SMIM27: variants seen among roughly 807,000 people sequenced by gnomAD.
SMIM27 encodes the protein TOPORS antisense RNA 1 (non-protein coding).
SMIM27 carries 3 observed loss-of-function variants against 1.8 expected under a neutral mutation model. The observed-to-expected ratio is 1.65, with a 90% CI of 0.75 to 4.28. SMIM27 has a LOEUF of 4.28. SMIM27 is among the 30% of genes most tolerant of loss of function. The pLI, the probability that SMIM27 is intolerant of heterozygous loss-of-function variation, is 0.02. For missense variants in SMIM27, 63 were observed against 37.0 expected (o/e 1.70, Z -1.83); for synonymous variants, 19 against 13.9 (o/e 1.37, Z -0.82).
chr9:32,559,016 A>G, intron 1 of SMIM27: 1 of 1,226,292 alleles, frequency 8.2e-7, no homozygotes, highest in Non-Finnish European at 1.2e-6. Flanking sequence ...AAAATAAGAA[A>G]TAGGTCATAC....
At chr9:32,556,393 C>G (rs1034466467), downstream of SMIM27, among the ~76,000 whole-genome samples, 1 of 152,224 alleles carries the variant, frequency 6.6e-6, no homozygotes, top group African/African-American at 2.4e-5. Flanking sequence ...ATCTTGGAAC[C>G]TCATATTCGA....
chr9:32,553,812 C>T (rs1821374148), downstream of SMIM27: 1 of 1,060,112 alleles, frequency 9.4e-7, no homozygotes, highest in South Asian at 1.4e-5. Context: ...CCAGAAAATT[C>T]AGTAAATATG....
intron 1 of SMIM27, among the ~76,000 whole-genome samples, chr9:32,560,730 T>C (rs1007476359): frequency 8.5e-5 from 13 of 152,216 alleles, no homozygotes; most frequent in African/African-American, 3.1e-4. Context: ...AATTTAGCTA[T>C]GTTTGTAAAT....
intron 1 of SMIM27, chr9:32,566,178 C>CTT: frequency 1.4e-6 from 1 of 734,514 alleles, no homozygotes; most frequent in Admixed American, 2.0e-5. Flanking sequence ...GCCACTTCCT[C>CTT]TTCAACCTTG....
At chr9:32,554,868 C>A (rs891453788), downstream of SMIM27, among the ~76,000 whole-genome samples, 5 of 151,942 alleles carry the variant, frequency 3.3e-5, no homozygotes, top group Non-Finnish European at 7.4e-5. Flanking sequence ...AGCAAAATAT[C>A]TCCTATAACT....
chr9:32,563,209 G>A (rs1051705729), intron 1 of SMIM27, among the ~76,000 whole-genome samples: 3 of 152,116 alleles, frequency 2.0e-5, no homozygotes, highest in Admixed American at 2.0e-4. Flanking sequence ...TGTTAATTTA[G>A]ACCCCTTGAC....
downstream of SMIM27, chr9:32,553,989 A>T (rs768417322): frequency 1.6e-6 from 2 of 1,225,626 alleles, no homozygotes; most frequent in Non-Finnish European, 2.4e-6. Flanking sequence ...TTAAGTCTAC[A>T]GAGGTGATAG....
exon 2 of SMIM27, chr9:32,566,565 G>A (rs1821796206): frequency 1.3e-6 from 1 of 780,608 alleles, no homozygotes; most frequent in African/African-American, 1.7e-5. Flanking sequence ...GTACTGCACA[G>A]ACTGGAGCTT....
exon 2 of SMIM27, chr9:32,566,530 G>C: frequency 1.3e-6 from 1 of 770,596 alleles, no homozygotes; most frequent in Non-Finnish European, 2.4e-6. Context: ...GCCACCCTTG[G>C]CTCCTCTGTT....
chr9:32,565,030 C>G (rs961556444), intron 1 of SMIM27, among the ~76,000 whole-genome samples: 6 of 152,160 alleles, frequency 3.9e-5, no homozygotes, highest in Non-Finnish European at 5.9e-5. Context: ...CGGTGGCTCA[C>G]GCTTGTAATC....
Position 32,552,383 on chromosome 9 carries a change from G to A in SMIM27, c.-52G>A, listed in dbSNP as rs1821305741. On this transcript the variant is annotated 5_prime_UTR_variant, in exon 1 of 2. Transcript: ENST00000692500. ...GGCAGCCACCGCCTGGGAGGTTACTGTAAGGCCCGCAGCTCCCGCCAGCTC... is the reference window on the plus strand; with the variant it reads ...GGCAGCCACCGCCTGGGAGGTTACTATAAGGCCCGCAGCTCCCGCCAGCTC... The A allele has an allele frequency of 6.2e-7, 1 of 1,604,842 alleles. No individual in the cohort carries two copies. The highest frequency in any genetic ancestry group is 2.2e-5 in the East Asian group (1 of 44,502).
At chr9:32,559,068 G>C in intron 1 of SMIM27, 1 of 628,294 alleles carries the variant, frequency 1.6e-6, no homozygotes, top group Non-Finnish European at 2.8e-6. Context: ...CAGAACTCCA[G>C]ATTCACATAT....
At chr9:32,551,802 T>A (rs1020727063), upstream of SMIM27, 1 of 452,392 alleles carries the variant, frequency 2.2e-6, no homozygotes. Context: ...TGATACATTA[T>A]GGCGGGTAAC....
At chr9:32,553,257 C>T (rs576958273), downstream of SMIM27, 969 of 197,874 alleles carry the variant, frequency 4.9e-3, 7 homozygotes, top group Non-Finnish European at 8.4e-3. Context: ...GGCACTATCT[C>T]GGCTTACTGC....
downstream of SMIM27, among the ~76,000 whole-genome samples, chr9:32,555,279 T>C (rs1821426164): frequency 6.6e-6 from 1 of 152,154 alleles, no homozygotes; most frequent in South Asian, 2.1e-4. Flanking sequence ...CCTTGTGGTA[T>C]TGAAAAATCA....
chr9:32,551,182 T>C, upstream of SMIM27: 1 of 629,124 alleles, frequency 1.6e-6, no homozygotes, highest in Non-Finnish European at 2.8e-6. Context: ...AGCGCGACCC[T>C]CCCCATCTTG....
chr9:32,554,204 G>C (rs1412670007), downstream of SMIM27, among the ~76,000 whole-genome samples: 2 of 152,216 alleles, frequency 1.3e-5, no homozygotes, highest in Non-Finnish European at 1.5e-5. Context: ...TGTTCTCTAA[G>C]TGATAAAGGG....
upstream of SMIM27, chr9:32,552,192 A>T: frequency 3.4e-6 from 2 of 581,104 alleles, no homozygotes; most frequent in Non-Finnish European, 6.1e-6. Flanking sequence ...AAAAAAAAAA[A>T]GCAATTTTTA....
At chr9:32,553,977 T>C (rs749153585), downstream of SMIM27, 1 of 1,395,030 alleles carries the variant, frequency 7.2e-7, no homozygotes, top group Admixed American at 1.8e-5. Context: ...AGTACAAAAA[T>C]CTTAAGTCTA....
Sources: allele counts gnomAD v4.1 joint callset (sites outside exome capture counted in the v4.1 genomes callset), GRCh38; gene constraint gnomAD v4.1.1; transcripts MANE v1.5; gene names NCBI Gene and HGNC (gene_info 2026-07-23, HGNC 2026-07-21).